Variants in CAGE1 observed in about 807,000 individuals in gnomAD.
The protein encoded by CAGE1 is cancer-associated gene 1 protein.
A neutral mutation model predicts 94.9 loss-of-function variants in CAGE1; 66 were observed. That is an observed-to-expected ratio of 0.70 (90% CI 0.57 to 0.85). The LOEUF is 0.85. Among genes scored for constraint, CAGE1 ranks in the 40% least tolerant of loss-of-function variants. CAGE1 has a pLI of 0.00. For synonymous variants in CAGE1, 319 were observed against 321.0 expected (o/e 0.99, Z 0.07); for missense variants, 865 against 950.4 (o/e 0.91, Z 1.18).
chr6:7,345,439 A>G (rs1160365515), intron 11 of CAGE1, among the ~76,000 whole-genome samples: 2 of 152,210 alleles, frequency 1.3e-5, no homozygotes, highest in Non-Finnish European at 2.9e-5. Context: ...CTGTGGTTTC[A>G]TTCTTGAAGT....
chr6:7,343,598 T>C (rs908965665), intron 11 of CAGE1, among the ~76,000 whole-genome samples: 1 of 152,174 alleles, frequency 6.6e-6, no homozygotes, highest in Non-Finnish European at 1.5e-5. Context: ...TTCAGTGTTG[T>C]CTGTAGGAGA....
At chr6:7,374,384 A>C (rs905030005) in intron 4 of CAGE1, among the ~76,000 whole-genome samples, 1 of 152,250 alleles carries the variant, frequency 6.6e-6, no homozygotes, top group Admixed American at 6.5e-5. Context: ...ACAGATATAC[A>C]TCCCATTTAC....
chr6:7,340,757 T>C, intron 11 of CAGE1: 1 of 294,528 alleles, frequency 3.4e-6, no homozygotes, highest in Admixed American at 3.9e-5. Context: ...AGGGGGTCCC[T>C]GAGCAAGTGA....
intron 11 of CAGE1, among the ~76,000 whole-genome samples, chr6:7,346,240 C>A (rs760007884): frequency 1.3e-5 from 2 of 152,156 alleles, no homozygotes; most frequent in Non-Finnish European, 2.9e-5. Context: ...ATGGATATAA[C>A]AGACTAGATT....
intron 11 of CAGE1, among the ~76,000 whole-genome samples, chr6:7,345,418 A>G (rs2113381017): frequency 6.6e-6 from 1 of 152,288 alleles, no homozygotes; most frequent in Non-Finnish European, 1.5e-5. Flanking sequence ...TGTAACCCTC[A>G]CTGCAGGGGT....
chr6:7,334,661 G>A, intron 11 of CAGE1, among the ~76,000 whole-genome samples: 1 of 143,286 alleles, frequency 7.0e-6, no homozygotes, highest in Non-Finnish European at 1.5e-5. Flanking sequence ...CGAGGAGGTG[G>A]AGGTTGCAGT....
intron 11 of CAGE1, among the ~76,000 whole-genome samples, chr6:7,349,589 T>C (rs1354454460): frequency 6.6e-6 from 1 of 152,076 alleles, no homozygotes; most frequent in Admixed American, 6.5e-5. Context: ...TAACATTGAA[T>C]ATAAATGGCC....
At chr6:7,333,789 C>CA (rs1242012964) in intron 12 of CAGE1, among the ~76,000 whole-genome samples, 1 of 107,280 alleles carries the variant, frequency 9.3e-6, no homozygotes, top group African/African-American at 4.9e-5. Flanking sequence ...CTGCCTCAGC[C>CA]CCCCAGTAGC....
At chr6:7,365,647 T>C in intron 8 of CAGE1, 72 bp from the exon 9 acceptor site, 8 of 1,503,380 alleles carry the variant, frequency 5.3e-6, no homozygotes, top group Non-Finnish European at 7.3e-6. Flanking sequence ...ATAAATACTT[T>C]ATTAGTTTAA....
chr6:7,352,301 A>AAC (rs764588952), intron 11 of CAGE1, among the ~76,000 whole-genome samples: 15,028 of 111,882 alleles, frequency 0.13, 881 homozygotes, highest in East Asian at 0.26. Context: ...AAAAAAAAAA[A>AAC]AAAACAAAAA....
At chr6:7,367,681 T>C (rs1250318542) in intron 7 of CAGE1, among the ~76,000 whole-genome samples, 1 of 152,178 alleles carries the variant, frequency 6.6e-6, no homozygotes, top group African/African-American at 2.4e-5. Flanking sequence ...ACTTTGGTCC[T>C]GTCCTCTACA....
chr6:7,374,437 C>T (rs1256055875), intron 4 of CAGE1, among the ~76,000 whole-genome samples: 1 of 152,088 alleles, frequency 6.6e-6, no homozygotes, highest in Non-Finnish European at 1.5e-5. Flanking sequence ...TTACCATTTT[C>T]TATTATGCAA....
Position 7,378,960 on chromosome 6 carries a change from A to C in CAGE1, c.344T>G (p.Ile115Arg). 6.3e-7 allele frequency: 1 copy of C among 1,576,442 alleles called. No individual in the cohort carries two copies. Among genetic ancestry groups the C allele is most frequent in the South Asian group, 1.2e-5 (1 of 86,602 alleles). Residue 115 changes from isoleucine (I) to arginine (R), a missense_variant, in exon 4 of 14, where the codon ATA becomes AGA. Ile to Arg is a moderately conservative substitution (Grantham distance 97). Transcript: ENST00000502583. ...GGTTTCAAATTGTCTCAAGGAAGATATGCTGATGGTGTCAACTGGCTGAAT... is the reference window on the plus strand; with the variant it reads ...GGTTTCAAATTGTCTCAAGGAAGATCTGCTGATGGTGTCAACTGGCTGAAT... ...ALIQPVDTIS[I>R]SSLRQFETVC...
chr6:7,351,781 CAT>C (rs753367391), intron 11 of CAGE1, among the ~76,000 whole-genome samples: 23 of 152,108 alleles, frequency 1.5e-4, no homozygotes, highest in Non-Finnish European at 2.9e-4. Context: ...AAACAAAAAT[CAT>C]ATGATCTTCT....
At chr6:7,356,271 G>A in intron 9 of CAGE1, 142 bp from the exon 10 acceptor site, 1 of 602,724 alleles carries the variant, frequency 1.7e-6, no homozygotes, top group Admixed American at 2.9e-5. Flanking sequence ...TGAAGCATGA[G>A]AGGCTATGAA....
At chr6:7,346,724 C>T (rs933139546) in intron 11 of CAGE1, among the ~76,000 whole-genome samples, 1 of 149,450 alleles carries the variant, frequency 6.7e-6, no homozygotes, top group Non-Finnish European at 1.5e-5. Context: ...GTAGTGCACA[C>T]CTGTGGTCCC....
intron 12 of CAGE1, among the ~76,000 whole-genome samples, chr6:7,330,622 T>C (rs1292771012): frequency 1.3e-5 from 2 of 152,156 alleles, no homozygotes; most frequent in Non-Finnish European, 2.9e-5. Context: ...AATGCCATAA[T>C]TTTGAGAGGC....
chr6:7,377,375 T>C (rs1760780210), intron 4 of CAGE1, among the ~76,000 whole-genome samples: 2 of 152,146 alleles, frequency 1.3e-5, no homozygotes, highest in Admixed American at 1.3e-4. Flanking sequence ...TCATCTACTT[T>C]CAAAAAAATG....
chr6:7,350,221 A>G (rs1427134366), intron 11 of CAGE1, among the ~76,000 whole-genome samples: 1 of 152,158 alleles, frequency 6.6e-6, no homozygotes, highest in East Asian at 1.9e-4. Context: ...TCCTAAACAT[A>G]TATGCACCTA....
Sources: gnomAD v4.1 joint callset for allele counts (sites outside exome capture counted in the v4.1 genomes callset) on GRCh38, gnomAD v4.1.1 for gene constraint, MANE v1.5 for transcripts, NCBI Gene and HGNC (gene_info 2026-07-23, HGNC 2026-07-21) for gene names.